CACNA2D3: variants seen among roughly 807,000 people sequenced by gnomAD.
The protein encoded by CACNA2D3 is calcium voltage-gated channel auxiliary subunit alpha2delta 3.
Under a neutral mutation model 160.6 loss-of-function variants are expected in CACNA2D3, and 60 were observed. That is an observed-to-expected ratio of 0.37 (90% CI 0.30 to 0.46). The LOEUF (loss-of-function observed/expected upper bound fraction) is 0.46. Ranked by LOEUF, CACNA2D3 falls within the 20% of genes least tolerant of loss-of-function variation. The pLI, the probability that CACNA2D3 is intolerant of heterozygous loss-of-function variation, is 1.00. For missense variants in CACNA2D3, 1,205 were observed against 1,365.0 expected (o/e 0.88, Z 1.85); for synonymous variants, 558 against 492.9 (o/e 1.13, Z -1.75).
chr3:54,428,732 TCTCA>T (rs772657408), intron 4 of CACNA2D3, among the ~76,000 whole-genome samples: 19 of 152,374 alleles, frequency 1.2e-4, no homozygotes, highest in Non-Finnish European at 2.5e-4. Context: ...ATTTAAACCA[TCTCA>T]CTCTTTGTGT....
intron 2 of CACNA2D3, among the ~76,000 whole-genome samples, chr3:54,136,839 G>T (rs1699823171): frequency 6.6e-6 from 1 of 152,224 alleles, no homozygotes; most frequent in South Asian, 2.1e-4. Context: ...TTGGCCCCGA[G>T]CCCCAGAATC....
chr3:54,236,861 A>G (rs962978010), intron 2 of CACNA2D3, among the ~76,000 whole-genome samples: 5 of 152,030 alleles, frequency 3.3e-5, no homozygotes, highest in African/African-American at 9.7e-5. Context: ...CAGTTTCCTC[A>G]TTGATAACAT....
rs111556753 is a variant in CACNA2D3, at chr3:54,909,909, C to A, written c.2449+10041C>A. Among the ~76,000 whole-genome samples, 244 of 152,216 alleles carry A rather than the reference C, an allele frequency of 1.6e-3. 1 individual carries two copies. The highest frequency in any genetic ancestry group is 6.8e-3 in the Middle Eastern group (2 of 294). ...CCACGGAAGCCAAAAGATTGGACATCCCTGCCTAAACCCTTTGACTTGACT... is the reference window on the plus strand; with the variant it reads ...CCACGGAAGCCAAAAGATTGGACATACCTGCCTAAACCCTTTGACTTGACT... On this transcript the variant is annotated intron_variant, in intron 27 of 37. Transcript: ENST00000474759.
chr3:54,959,110 C>A (rs979605919), intron 27 of CACNA2D3, among the ~76,000 whole-genome samples: 7 of 152,172 alleles, frequency 4.6e-5, no homozygotes, highest in South Asian at 2.1e-4. Flanking sequence ...CAGCAAAAAA[C>A]CCCTTTATCT....
intron 12 of CACNA2D3, among the ~76,000 whole-genome samples, 160 bp downstream of exon 12, chr3:54,752,837 G>GTTTTTTTTTTTTTTTTT (rs34310780): frequency 6.9e-6 from 1 of 144,216 alleles, no homozygotes; most frequent in African/African-American, 2.6e-5. Flanking sequence ...TCCAAATTAT[G>GTTTTTTTTTTTTTTTTT]TTTTTTTTTT....
intron 9 of CACNA2D3, among the ~76,000 whole-genome samples, chr3:54,595,536 C>G (rs1028651986): frequency 6.6e-6 from 1 of 152,152 alleles, no homozygotes; most frequent in Non-Finnish European, 1.5e-5. Context: ...GCTTGTAAAC[C>G]TTGTCCTCTG....
At chr3:54,507,889 A>C (rs1450197141) in intron 5 of CACNA2D3, among the ~76,000 whole-genome samples, 1 of 152,018 alleles carries the variant, frequency 6.6e-6, no homozygotes, top group Non-Finnish European at 1.5e-5. Flanking sequence ...GCCTCGGGGG[A>C]TGTGCTGAGG....
chr3:54,261,476 G>A (rs529915937), intron 2 of CACNA2D3, among the ~76,000 whole-genome samples: 28 of 152,230 alleles, frequency 1.8e-4, no homozygotes, highest in Admixed American at 3.3e-4. Flanking sequence ...GCCTGGCAGA[G>A]TGCTTGGCAT....
chr3:54,148,788 C>G (rs767896379), intron 2 of CACNA2D3, among the ~76,000 whole-genome samples: 1 of 151,830 alleles, frequency 6.6e-6, no homozygotes, highest in Non-Finnish European at 1.5e-5. Flanking sequence ...ACCAGCCTGA[C>G]CAACATGGTG....
At chr3:54,851,931 A>G (rs2106784455) in intron 17 of CACNA2D3, among the ~76,000 whole-genome samples, 1 of 152,340 alleles carries the variant, frequency 6.6e-6, no homozygotes, top group East Asian at 1.9e-4. Context: ...AAGACCCACC[A>G]GTGGCTGTGG....
chr3:54,730,505 T>C (rs1553810138), intron 11 of CACNA2D3, among the ~76,000 whole-genome samples: 1 of 148,654 alleles, frequency 6.7e-6, no homozygotes, highest in Non-Finnish European at 1.5e-5. Flanking sequence ...TCTTTCTTTC[T>C]TTCCTTTCTT....
intron 11 of CACNA2D3, among the ~76,000 whole-genome samples, chr3:54,735,036 G>A (rs534787171): frequency 2.6e-5 from 4 of 152,212 alleles, no homozygotes; most frequent in Non-Finnish European, 5.9e-5. Flanking sequence ...GTGGAGACAG[G>A]AAGCACACCA....
intron 2 of CACNA2D3, among the ~76,000 whole-genome samples, chr3:54,146,655 C>G (rs1292815812): frequency 1.3e-5 from 2 of 152,234 alleles, no homozygotes; most frequent in African/African-American, 4.8e-5. Context: ...TCCACACATC[C>G]AGCAGGGCCC....
chr3:54,713,196 A>G (rs1191717371), intron 11 of CACNA2D3, among the ~76,000 whole-genome samples: 6 of 152,182 alleles, frequency 3.9e-5, no homozygotes. Flanking sequence ...GTCTTGAGGA[A>G]GCATCTGATG....
intron 4 of CACNA2D3, among the ~76,000 whole-genome samples, chr3:54,387,570 T>C (rs895571028): frequency 4.6e-5 from 7 of 152,196 alleles, no homozygotes; most frequent in African/African-American, 1.7e-4. Context: ...GAGAATTGCT[T>C]GAACCTGGGC....
At chr3:54,995,153 T>C (rs559280940) in intron 31 of CACNA2D3, among the ~76,000 whole-genome samples, 5 of 152,168 alleles carry the variant, frequency 3.3e-5, no homozygotes, top group Middle Eastern at 6.8e-3. Context: ...TCTGTATTTT[T>C]AGTAGAGACA....
rs550469324 is a variant in CACNA2D3 at position 54,831,983 on chromosome 3, C to T, written c.1399-5176C>T. On this transcript the variant is annotated intron_variant, in intron 14 of 37. Transcript: ENST00000474759. ...CCGCCCTTTCCCTCTTTTTTTTCCT[C>T]CCTCCCTCTTTATCTCTCTCTTCTC... 8.8e-5 allele frequency among the ~76,000 whole-genome samples: 13 copies of T among 147,248 alleles called. No individual in the cohort carries two copies. In the South Asian group the frequency reaches 1.5e-3, roughly 17 times the overall value.
In CACNA2D3 at chr3:54,822,747, T is replaced by C. The variant is rs1298233937; in HGVS notation, c.1398+5877T>C. ...CTTTTTTATTTTCTTTCTTTCTTTC[T>C]TTCTTTCTTTCTTTCTTTCTTTCTT... On this transcript the variant is annotated intron_variant, in intron 14 of 37. Transcript: ENST00000474759. Among the ~76,000 whole-genome samples the C allele has an allele frequency of 1.8e-3, 117 of 64,836 alleles. 3 individuals are homozygous for C. The highest frequency in any genetic ancestry group is 7.4e-3 in the African/African-American group (106 of 14,260). The allele number at this position is 64,836 out of a possible 152,430, so 42.5% of individuals were successfully genotyped here.
At chr3:55,025,279 A>G (rs1224596846) in intron 35 of CACNA2D3, among the ~76,000 whole-genome samples, 2 of 152,194 alleles carry the variant, frequency 1.3e-5, no homozygotes, top group Non-Finnish European at 2.9e-5. Context: ...AGGTCATTGC[A>G]TTCCTGCTGT....
Sources: allele counts gnomAD v4.1 joint callset (sites outside exome capture counted in the v4.1 genomes callset), GRCh38; gene constraint gnomAD v4.1.1; transcripts MANE v1.5; gene names NCBI Gene and HGNC (gene_info 2026-07-23, HGNC 2026-07-21).